The following EPC2 variants were observed in gnomAD, a reference collection of about 807,000 sequenced individuals.
EPC2 encodes enhancer of polycomb 2.
In EPC2, 14 loss-of-function variants were observed where a neutral mutation model predicts 92.1. That is an observed-to-expected ratio of 0.15 (90% CI 0.10 to 0.24). EPC2 has a LOEUF of 0.24. Ranked by LOEUF, EPC2 falls within the 10% of genes least tolerant of loss-of-function variation. The pLI is 1.00. For missense variants in EPC2, 755 were observed against 971.5 expected, an observed-to-expected ratio of 0.78 and a Z score of 2.96; for synonymous variants, 340 against 334.7, an observed-to-expected ratio of 1.02 and a Z score of -0.17.
intron 2 of EPC2, among the ~76,000 whole-genome samples, chr2:148,700,819 C>A (rs1165220187): frequency 1.3e-5 from 2 of 151,566 alleles, no homozygotes; most frequent in Non-Finnish European, 1.5e-5. Flanking sequence ...ATCATTGTAA[C>A]AAAATAACTT....
chr2:148,702,424 G>A (rs1681909703), intron 2 of EPC2, among the ~76,000 whole-genome samples: 1 of 152,084 alleles, frequency 6.6e-6, no homozygotes. Flanking sequence ...ATTGTTCAGT[G>A]TAACCCCTGC....
chr2:148,716,134 G>T (rs1682257021), intron 2 of EPC2, among the ~76,000 whole-genome samples: 1 of 152,118 alleles, frequency 6.6e-6, no homozygotes, highest in Non-Finnish European at 1.5e-5. Context: ...TGAGACGATG[G>T]GGTTTTCTAG....
At position 148,769,150 on chromosome 2, in the gene EPC2, G is replaced by T. The variant is rs1280661458; in HGVS notation, c.1141-1G>T. The T allele has an allele frequency of 6.2e-7, 1 of 1,608,872 alleles. No individual in the cohort carries two copies. Among genetic ancestry groups the T allele is most frequent in the Non-Finnish European group, 8.5e-7 (1 of 1,176,666 alleles). ...CTAAATGGAATGCCTCTTTTGTCTA[G>T]GTATTGTCCCCAGTATCAGAACCGG... On this transcript the variant is annotated splice_acceptor_variant, in intron 7 of 13. Transcript: ENST00000258484. LOFTEE classifies it high-confidence loss of function.
intron 2 of EPC2, among the ~76,000 whole-genome samples, chr2:148,712,238 TGTGGGG>T (rs923392598): frequency 6.6e-5 from 10 of 151,660 alleles, no homozygotes; most frequent in African/African-American, 2.2e-4. Flanking sequence ...TGTTTGTGTG[TGTGGGG>T]GTGTGTGTGT....
intron 1 of EPC2, among the ~76,000 whole-genome samples, chr2:148,675,351 T>C (rs556407713): frequency 6.6e-6 from 1 of 152,168 alleles, no homozygotes; most frequent in Non-Finnish European, 1.5e-5. Context: ...TTGAGTATAT[T>C]AGGTTTGGAG....
chr2:148,747,692 TC>T (rs1683011803), intron 3 of EPC2, among the ~76,000 whole-genome samples: 1 of 152,166 alleles, frequency 6.6e-6, no homozygotes, highest in Admixed American at 6.6e-5. Context: ...CTACTTAATG[TC>T]CCTGCAGTAT....
At chr2:148,781,891 G>A in intron 11 of EPC2, 111 bp downstream of exon 11, 1 of 1,277,152 alleles carries the variant, frequency 7.8e-7, no homozygotes, top group Non-Finnish European at 1.1e-6. Flanking sequence ...CTCTTGATTT[G>A]GGGTCTGTAA....
Position 148,786,718 on chromosome 2 carries a change from T to C in EPC2, c.*341T>C, listed in dbSNP as rs1034993171. 2 of 165,620 alleles carry C rather than the reference T, an allele frequency of 1.2e-5. No homozygotes were observed. Among genetic ancestry groups the C allele is most frequent in the African/African-American group, 2.4e-5 (1 of 42,030 alleles). The allele number at this position is 165,620 out of a possible 1,614,324, so 10.3% of individuals were successfully genotyped here. ...AAATGGGATCCTGCATCACTTGTTT[T>C]AACTATTTATTTTGCCATGTTTACA... On this transcript the variant is annotated 3_prime_UTR_variant, in exon 14 of 14. Transcript: ENST00000258484.
At chr2:148,657,849 T>C (rs962820200) in intron 1 of EPC2, among the ~76,000 whole-genome samples, 1 of 151,986 alleles carries the variant, frequency 6.6e-6, no homozygotes, top group Non-Finnish European at 1.5e-5. Flanking sequence ...GTCTAATTTA[T>C]TGGCTTTCAA....
At chr2:148,726,765 GTTT>G (rs201293391) in intron 2 of EPC2, among the ~76,000 whole-genome samples, 3 of 100,608 alleles carry the variant, frequency 3.0e-5, no homozygotes, top group Non-Finnish European at 4.0e-5. Context: ...TTTGTTTTTT[GTTT>G]TTTTTTTTTT....
At chr2:148,781,044 T>G (rs908946334) in intron 10 of EPC2, among the ~76,000 whole-genome samples, 1 of 152,342 alleles carries the variant, frequency 6.6e-6, no homozygotes, top group East Asian at 1.9e-4. Flanking sequence ...TTCAGTTTTC[T>G]GAATACTTGT....
chr2:148,771,213 A>C lies in EPC2; in HGVS notation c.1546A>C (p.Ile516Leu). ...HCENRLSLSEILSNIRSCRLQ... is the reference protein window; with the variant it reads ...HCENRLSLSELLSNIRSCRLQ... ...TGAAAATAGACTGTCTCTTTCTGAAATATTAAGCAATATCAGATCATGTCG... is the reference window on the plus strand; with the variant it reads ...TGAAAATAGACTGTCTCTTTCTGAACTATTAAGCAATATCAGATCATGTCG... Residue 516 changes from isoleucine (I) to leucine (L), a missense_variant, in exon 10 of 14, where the codon ATA becomes CTA. Transcript: ENST00000258484. 1 of 1,613,996 alleles carries C rather than the reference A, an allele frequency of 6.2e-7. No homozygotes were observed. Among genetic ancestry groups the C allele is most frequent in the Non-Finnish European group, 8.5e-7 (1 of 1,179,882 alleles).
intron 10 of EPC2, among the ~76,000 whole-genome samples, chr2:148,771,665 C>G (rs1683521754): frequency 6.6e-6 from 1 of 152,272 alleles, no homozygotes; most frequent in East Asian, 1.9e-4. Flanking sequence ...CATCACAGCA[C>G]AGTACTATCT....
intron 2 of EPC2, among the ~76,000 whole-genome samples, chr2:148,730,154 C>G (rs1445539064): frequency 6.6e-6 from 1 of 152,084 alleles, no homozygotes; most frequent in Non-Finnish European, 1.5e-5. Flanking sequence ...GATCTGCAGC[C>G]AAGTTTTATA....
At chr2:148,722,476 A>G (rs1682399281) in intron 2 of EPC2, among the ~76,000 whole-genome samples, 1 of 152,342 alleles carries the variant, frequency 6.6e-6, no homozygotes, top group Non-Finnish European at 1.5e-5. Context: ...ACAATGAGGT[A>G]GCATCTAACA....
intron 1 of EPC2, among the ~76,000 whole-genome samples, chr2:148,668,555 G>A (rs1197582446): frequency 1.3e-5 from 2 of 152,170 alleles, no homozygotes; most frequent in Non-Finnish European, 1.5e-5. Context: ...ATTCACCAGT[G>A]AAACCATCTG....
rs1682731339 is a variant in EPC2, at chr2:148,735,439, T to TTGGGTCCATTTTTCTC, written c.314-8176_314-8161dup. Reference sequence around the variant, plus strand: ...TTATGTAGATTACCTTTTCCTATCTTTGGGTCCATTTTTCTCTGGGTCATT... The same window carrying TTGGGTCCATTTTTCTC: ...TTATGTAGATTACCTTTTCCTATCTTTGGGTCCATTTTTCTCTGGGTCCATTTTTCTCTGGGTCATT... On this transcript the variant is annotated intron_variant, in intron 2 of 13. Transcript: ENST00000258484. Among the ~76,000 whole-genome samples the TTGGGTCCATTTTTCTC allele has an allele frequency of 2.6e-5, 4 of 152,028 alleles. No homozygotes were observed. The South Asian group carries it at 8.3e-4, about 31-fold the overall frequency.
intron 3 of EPC2, among the ~76,000 whole-genome samples, chr2:148,749,465 T>A (rs1683046108): frequency 6.6e-6 from 1 of 151,550 alleles, no homozygotes; most frequent in African/African-American, 2.4e-5. Context: ...CTCAATATAA[T>A]AATCACATCA....
At chr2:148,678,838 A>G (rs187897236) in intron 1 of EPC2, among the ~76,000 whole-genome samples, 284 of 152,340 alleles carry the variant, frequency 1.9e-3, no homozygotes, top group African/African-American at 6.6e-3. Flanking sequence ...GGGCTCCCAC[A>G]GTGCAGCGGT....
Sources: gnomAD v4.1 joint callset for allele counts (sites outside exome capture counted in the v4.1 genomes callset) on GRCh38, gnomAD v4.1.1 for gene constraint, MANE v1.5 for transcripts, NCBI Gene and HGNC (gene_info 2026-07-23, HGNC 2026-07-21) for gene names.